KCTD21: variants seen among roughly 807,000 people sequenced by gnomAD.
KCTD21 encodes potassium channel tetramerization domain containing 21.
KCTD21 carries 9 observed loss-of-function variants against 13.2 expected under a neutral mutation model. That is an observed-to-expected ratio of 0.68 (90% CI 0.41 to 1.19). KCTD21 has a LOEUF of 1.19. KCTD21 is among the 50% of genes most tolerant of loss of function. The pLI, the probability that KCTD21 is intolerant of heterozygous loss-of-function variation, is 0.01. For synonymous variants in KCTD21, 142 were observed against 137.4 expected, an observed-to-expected ratio of 1.03 and a Z score of -0.23; for missense variants, 303 against 336.5, an observed-to-expected ratio of 0.90 and a Z score of 0.78.
chr11:78,188,284 A>G, intron 1 of KCTD21: 1 of 909,096 alleles, frequency 1.1e-6, no homozygotes, highest in Non-Finnish European at 1.3e-6. Flanking sequence ...CCCACCCACC[A>G]AGGACTCCTC....
At chr11:78,183,098 G>T (rs558112594) in intron 1 of KCTD21, among the ~76,000 whole-genome samples, 31 of 152,210 alleles carry the variant, frequency 2.0e-4, no homozygotes, top group African/African-American at 7.5e-4. Context: ...AACACACCTA[G>T]CCCTGGATCT....
intron 1 of KCTD21, among the ~76,000 whole-genome samples, chr11:78,185,381 T>C (rs1263045080): frequency 6.6e-6 from 1 of 152,202 alleles, no homozygotes; most frequent in East Asian, 1.9e-4. Context: ...TTACAGTCAT[T>C]GTGCCAGACC....
chr11:78,187,829 C>T, intron 1 of KCTD21: 1 of 985,436 alleles, frequency 1.0e-6, no homozygotes, highest in Non-Finnish European at 1.2e-6. Context: ...CCAAGCTAAA[C>T]CTCTGCCTCC....
chr11:78,185,888 G>A (rs1011987688), intron 1 of KCTD21, among the ~76,000 whole-genome samples: 6 of 150,314 alleles, frequency 4.0e-5, no homozygotes, highest in Non-Finnish European at 8.9e-5. Flanking sequence ...CACCGCGCCC[G>A]GCCAGGTCTG....
At position 78,173,343 on chromosome 11, in the gene KCTD21, T is replaced by A; in HGVS notation, c.*429A>T. The A allele has an allele frequency of 9.1e-5, 15 of 164,986 alleles. No individual in the cohort carries two copies. The highest frequency in any genetic ancestry group is 6.3e-4 in the South Asian group (4 of 6,396). The allele number at this position is 164,986 out of a possible 1,614,324, so 10.2% of individuals were successfully genotyped here. A position where few individuals can be genotyped will look rare whatever the true frequency, so the allele number is the denominator to read the frequency against. ...AGGTGTGACAGGAACCGCTGGGGAC[T>A]TTATGTCCTGGTTAACTGGAGGTAG... On this transcript the variant is annotated 3_prime_UTR_variant, in exon 2 of 2. Transcript: ENST00000340067.
rs936386275 is a variant in KCTD21 at position 78,172,617 on chromosome 11, A to T, written c.*1155T>A. 2.0e-5 allele frequency: 3 copies of T among 152,206 alleles called. No individual in the cohort carries two copies. The highest frequency in any genetic ancestry group is 7.2e-5 in the African/African-American group (3 of 41,440). The allele number at this position is 152,206 out of a possible 1,614,324, so 9.4% of individuals were successfully genotyped here. On this transcript the variant is annotated 3_prime_UTR_variant, in exon 2 of 2. Coordinates refer to ENST00000340067, the MANE Select transcript of KCTD21 (RefSeq NM_001029859.3). ...AATTCTGAGTAATGATGTTTTCAGA[A>T]AAATGTCTGGTCTCTCAAGGTGACT...
In KCTD21 at chr11:78,174,368, G is replaced by A; in HGVS notation, c.187C>T (p.Leu63=). Residue 63 remains leucine (L), a synonymous_variant, in exon 2 of 2, where the codon CTG becomes TTG. Transcript: ENST00000340067. ...GKVFRYILNF[L]RTSHLDLPED... ...GGCAGGTCAAGGTGGGAGGTCCGCA[G>A]GAAGTTGAGGATATAGCGGAACACT... 5 of 1,614,150 alleles carry A rather than the reference G, an allele frequency of 3.1e-6. No individual in the cohort carries two copies. Among genetic ancestry groups the A allele is most frequent in the Non-Finnish European group, 4.2e-6 (5 of 1,180,032 alleles).
chr11:78,187,265 A>T, intron 1 of KCTD21: 1 of 985,050 alleles, frequency 1.0e-6, no homozygotes, highest in Non-Finnish European at 1.2e-6. Flanking sequence ...CCCTTTCTTC[A>T]CCTCCTCTTC....
At chr11:78,182,852 A>G (rs496774) in intron 1 of KCTD21, among the ~76,000 whole-genome samples, 24,087 of 152,148 alleles carry the variant, frequency 0.16, 2,032 homozygotes, top group African/African-American at 0.2. Flanking sequence ...AGTAGGCAAG[A>G]GCTCTTTTCT....
rs189461888 is a variant in KCTD21 at position 78,187,697 on chromosome 11, T to C, written c.-30+876A>G. The C allele has an allele frequency of 5.1e-5, 50 of 985,432 alleles. No homozygotes were observed. The East Asian group carries it at 4.5e-3, about 89-fold the overall frequency. 61.0% of individuals were successfully genotyped at this position (985,432 alleles called of 1,614,324 possible). On this transcript the variant is annotated intron_variant, in intron 1 of 1. Coordinates refer to ENST00000340067, the MANE Select transcript of KCTD21 (RefSeq NM_001029859.3). ...GTGCTTTCAAATCCATCTCATTTCA[T>C]CCTCACAGTACTATAGGAGGGCTGC...
Position 78,172,333 on chromosome 11 carries a change from T to TA in KCTD21, c.*1438dup, listed in dbSNP as rs777206060. On this transcript the variant is annotated 3_prime_UTR_variant, in exon 2 of 2. Transcript: ENST00000340067. The stretch of plus-strand genomic sequence containing the variant: ...CGCACATTTACTCTAAGGGCACTGT[T>TA]ACGGTTCATACCACTCCTGGGCTCC... 2.0e-5 allele frequency: 3 copies of TA among 152,242 alleles called. No homozygotes were observed. The highest frequency in any genetic ancestry group is 4.4e-5 in the Non-Finnish European group (3 of 68,084). The allele number at this position is 152,242 out of a possible 1,614,324, so 9.4% of individuals were successfully genotyped here. A position where few individuals can be genotyped will look rare whatever the true frequency, so the allele number is the denominator to read the frequency against.
At chr11:78,187,516 C>T in intron 1 of KCTD21, 4 of 985,368 alleles carry the variant, frequency 4.1e-6, no homozygotes, top group Non-Finnish European at 4.8e-6. Context: ...GCGTAGACCT[C>T]CAACAACCAC....
In KCTD21 at chr11:78,173,511, T is replaced by G; in HGVS notation, c.*261A>C. 1 of 443,272 alleles carries G rather than the reference T, an allele frequency of 2.3e-6. No homozygotes were observed. Among genetic ancestry groups the G allele is most frequent in the Non-Finnish European group, 4.1e-6 (1 of 245,084 alleles). The allele number at this position is 443,272 out of a possible 1,614,324, so 27.5% of individuals were successfully genotyped here. A position where few individuals can be genotyped will look rare whatever the true frequency, so the allele number is the denominator to read the frequency against. The stretch of plus-strand genomic sequence containing the variant: ...GCTGGAAAATCCTCCTATGGCCTCC[T>G]TTAGTACACATCAGCTGACTCTTCA... On this transcript the variant is annotated 3_prime_UTR_variant, in exon 2 of 2. Coordinates refer to ENST00000340067, the MANE Select transcript of KCTD21 (RefSeq NM_001029859.3).
intron 1 of KCTD21, among the ~76,000 whole-genome samples, chr11:78,178,955 T>C (rs2136997920): frequency 6.6e-6 from 1 of 152,240 alleles, no homozygotes; most frequent in Non-Finnish European, 1.5e-5. Flanking sequence ...ATTGGGACCA[T>C]CCCTTTATCT....
At chr11:78,185,539 A>C (rs1383620163) in intron 1 of KCTD21, among the ~76,000 whole-genome samples, 1 of 152,034 alleles carries the variant, frequency 6.6e-6, no homozygotes, top group East Asian at 1.9e-4. Context: ...TTAGAATCTA[A>C]GCCTGGGTGG....
chr11:78,178,856 G>A (rs984476808), intron 1 of KCTD21, among the ~76,000 whole-genome samples: 3 of 152,096 alleles, frequency 2.0e-5, no homozygotes, highest in African/African-American at 7.2e-5. Flanking sequence ...AAACGCCATC[G>A]CCCCAGCTGG....
Position 78,174,402 on chromosome 11 carries a change from A to G in KCTD21, c.153T>C (p.Arg51=). 8 of 1,613,966 alleles carry G rather than the reference A, an allele frequency of 5.0e-6. No individual in the cohort carries two copies. The highest frequency in any genetic ancestry group is 6.8e-6 in the Non-Finnish European group (8 of 1,180,012). ...RDSQGNCFID[R]DGKVFRYILN... ...GGATATAGCGGAACACTTTGCCGTCACGGTCAATGAAGCAGTTGCCCTGGC... is the reference window on the plus strand; with the variant it reads ...GGATATAGCGGAACACTTTGCCGTCGCGGTCAATGAAGCAGTTGCCCTGGC... Residue 51 remains arginine, a synonymous_variant, in exon 2 of 2, where the codon CGT becomes CGC. Transcript: ENST00000340067.
intron 1 of KCTD21, among the ~76,000 whole-genome samples, chr11:78,186,384 AAAAAAAAAAAAAAAAAAAAAAAAG>A (rs1472275039): frequency 3.1e-5 from 2 of 65,202 alleles, no homozygotes; most frequent in South Asian, 5.1e-4. Flanking sequence ...AAAAAAAAAA[AAAAAAAAAAAAAAAAAAAAAAAAG>A]AAAAGAACTG....
chr11:78,176,309 C>A (rs551051110), intron 1 of KCTD21: 1 of 152,310 alleles, frequency 6.6e-6, no homozygotes, highest in African/African-American at 2.4e-5. Context: ...GTCATAACAC[C>A]CCAAGCTTCT....
Sources: gnomAD v4.1 joint callset for allele counts (sites outside exome capture counted in the v4.1 genomes callset) on GRCh38, gnomAD v4.1.1 for gene constraint, MANE v1.5 for transcripts, NCBI Gene and HGNC (gene_info 2026-07-23, HGNC 2026-07-21) for gene names.